Variants in TSPAN7 observed in about 807,000 individuals in gnomAD.
TSPAN7 encodes tetraspanin-7.
TSPAN7 carries 1 observed loss-of-function variant against 17.6 expected under a neutral mutation model. The ratio of observed to expected loss-of-function variants is 0.06; its 90% CI spans 0.02 to 0.27. TSPAN7 has a LOEUF of 0.27. Among genes scored for constraint, TSPAN7 ranks in the 10% least tolerant of loss-of-function variants. The probability of loss-of-function intolerance (pLI) is 1.00; values close to 1 mark genes in which losing one functional copy is unlikely to be tolerated. For missense variants in TSPAN7, 112 were observed against 201.7 expected (o/e 0.56, Z 2.69); for synonymous variants, 78 against 79.0 (o/e 0.99, Z 0.07).
At chrX:38,680,676 G>A (rs1399275356) in intron 5 of TSPAN7, among the ~76,000 whole-genome samples, 1 of 109,666 alleles carries the variant, frequency 9.1e-6, no homozygotes, top group African/African-American at 3.3e-5. Flanking sequence ...AAAGTTGGCA[G>A]ATATTCAAAC....
intron 1 of TSPAN7, among the ~76,000 whole-genome samples, chrX:38,665,473 G>C (rs1182677716): frequency 8.9e-6 from 1 of 112,007 alleles, no homozygotes; most frequent in Non-Finnish European, 1.9e-5. Flanking sequence ...CAGGGTTCTA[G>C]TTTAGACATG....
intron 5 of TSPAN7, among the ~76,000 whole-genome samples, chrX:38,676,708 A>G (rs1479187879): frequency 8.9e-6 from 1 of 112,146 alleles, no homozygotes; most frequent in Non-Finnish European, 1.9e-5. Flanking sequence ...TCAAAATTCT[A>G]TGTGATCTGG....
chrX:38,662,614 G>T (rs1407777161), intron 1 of TSPAN7, among the ~76,000 whole-genome samples: 3 of 110,894 alleles, frequency 2.7e-5, no homozygotes, highest in African/African-American at 9.9e-5. Context: ...GTGATAGGAT[G>T]GATAGGTAAG....
chrX:38,647,889 G>T (rs959982672), intron 1 of TSPAN7, among the ~76,000 whole-genome samples: 1 of 111,842 alleles, frequency 8.9e-6, no homozygotes, highest in African/African-American at 3.3e-5. Context: ...ACCAGGTTGA[G>T]CACAAGTCAG....
At chrX:38,654,812 C>T (rs1431289761) in intron 1 of TSPAN7, among the ~76,000 whole-genome samples, 1 of 112,189 alleles carries the variant, frequency 8.9e-6, no homozygotes, top group Non-Finnish European at 1.9e-5. Flanking sequence ...AAATAGTATA[C>T]AAAGGTGATA....
At chrX:38,563,265 T>G in intron 1 of TSPAN7, 1 of 476,426 alleles carries the variant, frequency 2.1e-6, no homozygotes, top group Admixed American at 4.8e-5. Context: ...CAGGTTGAAA[T>G]GTCTCAGTAG....
intron 1 of TSPAN7, among the ~76,000 whole-genome samples, chrX:38,652,158 A>T (rs1202855281): frequency 2.6e-4 from 29 of 111,935 alleles, no homozygotes; most frequent in African/African-American, 9.4e-4. Flanking sequence ...AAAGGAAATG[A>T]AACTCCAGAT....
intron 1 of TSPAN7, among the ~76,000 whole-genome samples, chrX:38,575,144 C>T (rs759711909): frequency 9.0e-6 from 1 of 110,892 alleles, no homozygotes; most frequent in Admixed American, 9.7e-5. Context: ...CAGTAACCAG[C>T]AAGCAACTGA....
intron 1 of TSPAN7, among the ~76,000 whole-genome samples, chrX:38,640,302 C>T (rs892376726): frequency 2.7e-5 from 3 of 111,746 alleles, no homozygotes; most frequent in Non-Finnish European, 5.6e-5. Context: ...CTTCTCCTGG[C>T]TTCTTCCTCA....
chrX:38,683,811 T>C (rs1367405994), intron 6 of TSPAN7, among the ~76,000 whole-genome samples: 2 of 113,359 alleles, frequency 1.8e-5, no homozygotes, highest in Non-Finnish European at 3.7e-5. Flanking sequence ...GCCCTACTGA[T>C]TCTGGTCAGT....
intron 1 of TSPAN7, among the ~76,000 whole-genome samples, chrX:38,563,956 C>T (rs2069128627): frequency 9.0e-6 from 1 of 111,604 alleles, no homozygotes. Flanking sequence ...TTAAAGTATA[C>T]GATTCAGTGA....
At chrX:38,675,152 A>G (rs1025694278) in intron 4 of TSPAN7, among the ~76,000 whole-genome samples, 1 of 112,115 alleles carries the variant, frequency 8.9e-6, no homozygotes. Context: ...ACAACTACTC[A>G]TCTCTGCCAC....
At chrX:38,614,339 T>C (rs1324682194) in intron 1 of TSPAN7, among the ~76,000 whole-genome samples, 1 of 111,858 alleles carries the variant, frequency 8.9e-6, no homozygotes, top group Non-Finnish European at 1.9e-5. Flanking sequence ...TAAGAATGGA[T>C]ATTATCCTTA....
At chrX:38,563,270 C>A in intron 1 of TSPAN7, 1 of 445,837 alleles carries the variant, frequency 2.2e-6, no homozygotes, top group Non-Finnish European at 3.2e-6. Context: ...TGAAATGTCT[C>A]AGTAGTGGAA....
At chrX:38,675,891 C>T in intron 5 of TSPAN7, 31 bp downstream of exon 5, 25 of 1,205,570 alleles carry the variant, frequency 2.1e-5, no homozygotes, top group Non-Finnish European at 2.8e-5. Context: ...CAGATGGGAC[C>T]AGTGGTGAAT....
At chrX:38,609,296 A>G (rs1192040595) in intron 1 of TSPAN7, among the ~76,000 whole-genome samples, 1 of 111,900 alleles carries the variant, frequency 8.9e-6, no homozygotes, top group Non-Finnish European at 1.9e-5. Context: ...GTCTCTCTTC[A>G]CACAACCTTT....
At chrX:38,676,458 T>C in intron 5 of TSPAN7, among the ~76,000 whole-genome samples, 1 of 112,024 alleles carries the variant, frequency 8.9e-6, no homozygotes, top group Non-Finnish European at 1.9e-5. Context: ...AATGAAGTTT[T>C]AGTAGTCAGA....
intron 1 of TSPAN7, among the ~76,000 whole-genome samples, chrX:38,579,639 C>G (rs2069216984): frequency 9.0e-6 from 1 of 111,018 alleles, no homozygotes; most frequent in Non-Finnish European, 1.9e-5. Context: ...AGCCTTGTCT[C>G]TTCAAAATAA....
At chrX:38,667,532 G>A (rs1398024752) in intron 2 of TSPAN7, among the ~76,000 whole-genome samples, 3 of 111,955 alleles carry the variant, frequency 2.7e-5, no homozygotes, top group Non-Finnish European at 3.8e-5. Flanking sequence ...GTGGGTGTGA[G>A]AGTGGTTCAT....
Sources: gnomAD v4.1 joint callset for allele counts (sites outside exome capture counted in the v4.1 genomes callset) on GRCh38, gnomAD v4.1.1 for gene constraint, MANE v1.5 for transcripts, NCBI Gene and HGNC (gene_info 2026-07-23, HGNC 2026-07-21) for gene names.